PPP2R2B: variants seen among roughly 807,000 people sequenced by gnomAD.
PPP2R2B encodes serine/threonine-protein phosphatase 2A 55 kDa regulatory subunit B beta isoform.
Under a neutral mutation model 46.0 loss-of-function variants are expected in PPP2R2B, and 5 were observed. The ratio of observed to expected loss-of-function variants is 0.11; its 90% CI spans 0.06 to 0.23. The LOEUF is 0.23. PPP2R2B is among the 10% of genes least tolerant of loss of function. PPP2R2B has a pLI of 1.00. For missense variants in PPP2R2B, 367 were observed against 575.0 expected (o/e 0.64, Z 3.70); for synonymous variants, 215 against 206.7 (o/e 1.04, Z -0.34).
chr5:146,786,719 C>G (rs940079332), intron 2 of PPP2R2B, among the ~76,000 whole-genome samples: 2 of 152,176 alleles, frequency 1.3e-5, no homozygotes, highest in Admixed American at 6.5e-5. Flanking sequence ...GCTCTCCCCA[C>G]CTCCCAAACT....
intron 1 of PPP2R2B, among the ~76,000 whole-genome samples, chr5:147,039,805 G>A (rs1219462079): frequency 6.6e-6 from 1 of 152,200 alleles, no homozygotes; most frequent in Non-Finnish European, 1.5e-5. Flanking sequence ...GATGAGAGCA[G>A]AGATCCATCT....
At chr5:147,023,691 C>T (rs1755392118) in intron 1 of PPP2R2B, among the ~76,000 whole-genome samples, 1 of 152,138 alleles carries the variant, frequency 6.6e-6, no homozygotes, top group African/African-American at 2.4e-5. Flanking sequence ...AAGGGATACA[C>T]AGATAGCTGG....
Position 146,641,577 on chromosome 5 carries a change from T to C in PPP2R2B, c.626-3162A>G, listed in dbSNP as rs537326924. The stretch of plus-strand genomic sequence containing the variant: ...CCTGATAAGGGATTATTTGGATTTT[T>C]ACCTGCTGGAGGATTTGGTGAGTTC... On this transcript the variant is annotated intron_variant, in intron 6 of 9. Transcript: ENST00000394411. Among the ~76,000 whole-genome samples the C allele has an allele frequency of 4.8e-4, 72 of 150,740 alleles. 2 individuals are homozygous for C. The South Asian group carries it at 0.012, about 26-fold the overall frequency.
intron 2 of PPP2R2B, among the ~76,000 whole-genome samples, chr5:146,741,741 T>G (rs1323175010): frequency 3.3e-5 from 5 of 152,206 alleles, no homozygotes; most frequent in Non-Finnish European, 7.4e-5. Context: ...GTACACAATT[T>G]TAGGCCACAT....
chr5:146,860,550 T>C (rs911369285), intron 2 of PPP2R2B, among the ~76,000 whole-genome samples: 1 of 152,206 alleles, frequency 6.6e-6, no homozygotes, highest in Non-Finnish European at 1.5e-5. Context: ...CTCATTGCCA[T>C]ACACTACACT....
chr5:146,707,448 AC>A (rs1429083752), intron 2 of PPP2R2B: 1 of 763,838 alleles, frequency 1.3e-6, no homozygotes, highest in African/African-American at 1.7e-5. Flanking sequence ...CACTGGCCCC[AC>A]CATAGGCCAC....
At chr5:146,840,181 G>A (rs4705446) in intron 2 of PPP2R2B, among the ~76,000 whole-genome samples, 91,766 of 151,772 alleles carry the variant, frequency 0.6, 29,243 homozygotes, top group Non-Finnish European at 0.72. Context: ...ACAGCTTTGG[G>A]TTCAAATGCA....
rs966226592 is a variant in PPP2R2B, at chr5:146,581,702, C to T, written c.*8245G>A. On this transcript the variant is annotated 3_prime_UTR_variant, in exon 10 of 10. Coordinates refer to ENST00000394411, the MANE Select transcript of PPP2R2B (RefSeq NM_181675.4). ...TTCCGCAGTGTATTTCAGATCAGTT[C>T]TGTATTGTGGCTTGTATGTAATATG... 1 of 152,178 alleles carries T rather than the reference C, an allele frequency of 6.6e-6. No homozygotes were observed. Among genetic ancestry groups the T allele is most frequent in the Non-Finnish European group, 1.5e-5 (1 of 68,042 alleles). The allele number at this position is 152,178 out of a possible 1,614,324, so 9.4% of individuals were successfully genotyped here.
chr5:146,661,115 G>T (rs1270303656), intron 5 of PPP2R2B, among the ~76,000 whole-genome samples: 1 of 152,176 alleles, frequency 6.6e-6, no homozygotes, highest in African/African-American at 2.4e-5. Context: ...TCTCAATTAG[G>T]AGCGATTTTG....
intron 1 of PPP2R2B, among the ~76,000 whole-genome samples, chr5:147,052,362 T>C (rs1756868765): frequency 6.6e-6 from 1 of 152,224 alleles, no homozygotes; most frequent in Non-Finnish European, 1.5e-5. Flanking sequence ...CCTGGTATTG[T>C]TCTGGTTCTG....
intron 1 of PPP2R2B, among the ~76,000 whole-genome samples, chr5:146,957,434 G>C (rs1241621003): frequency 6.6e-6 from 1 of 152,230 alleles, no homozygotes; most frequent in Non-Finnish European, 1.5e-5. Flanking sequence ...CTAGCTGCAA[G>C]AGGTGGGGGC....
At chr5:147,053,332 T>A (rs1756923602) in intron 1 of PPP2R2B, among the ~76,000 whole-genome samples, 2 of 152,112 alleles carry the variant, frequency 1.3e-5, no homozygotes, top group African/African-American at 4.8e-5. Flanking sequence ...GATGGTTCTA[T>A]CCCCTAAGAA....
At chr5:147,024,358 A>C (rs567061834) in intron 1 of PPP2R2B, among the ~76,000 whole-genome samples, 1 of 152,332 alleles carries the variant, frequency 6.6e-6, no homozygotes, top group South Asian at 2.1e-4. Context: ...GAAATAGACA[A>C]ATCCACAATA....
At chr5:146,753,590 A>C (rs116124001) in intron 2 of PPP2R2B, among the ~76,000 whole-genome samples, 1 of 152,134 alleles carries the variant, frequency 6.6e-6, no homozygotes, top group Non-Finnish European at 1.5e-5. Flanking sequence ...CTTGCCAGCC[A>C]AGGACACTTG....
chr5:146,759,270 A>C (rs1190337307), intron 2 of PPP2R2B, among the ~76,000 whole-genome samples: 1 of 152,184 alleles, frequency 6.6e-6, no homozygotes, highest in Non-Finnish European at 1.5e-5. Flanking sequence ...CTTTCAGGGA[A>C]TTTTCCTTAT....
At chr5:146,660,150 G>C (rs1485068843) in intron 5 of PPP2R2B, among the ~76,000 whole-genome samples, 1 of 152,152 alleles carries the variant, frequency 6.6e-6, no homozygotes, top group African/African-American at 2.4e-5. Flanking sequence ...AGCAACCTGG[G>C]GGGCAGAGTC....
At chr5:146,807,525 C>A (rs567026509) in intron 2 of PPP2R2B, among the ~76,000 whole-genome samples, 2 of 152,214 alleles carry the variant, frequency 1.3e-5, no homozygotes, top group South Asian at 4.1e-4. Context: ...ATAACTTATG[C>A]CAGGCACAGT....
chr5:146,864,652 A>G (rs1761204115), intron 2 of PPP2R2B, among the ~76,000 whole-genome samples: 2 of 152,220 alleles, frequency 1.3e-5, no homozygotes, highest in Non-Finnish European at 2.9e-5. Flanking sequence ...CCCAGGGTAC[A>G]AACTACTCAC....
At position 146,991,124 on chromosome 5, in the gene PPP2R2B, G is replaced by A. The variant is rs1475055380; in HGVS notation, c.79+64541C>T. Among the ~76,000 whole-genome samples, 6 of 152,168 alleles carry A rather than the reference G, an allele frequency of 3.9e-5. No homozygotes were observed. In the East Asian group the frequency reaches 9.7e-4, roughly 24 times the overall value. On this transcript the variant is annotated intron_variant, in intron 1 of 8. Coordinates refer to the PPP2R2B transcript ENST00000336640. ...GGGAATTCTTGTACACTCTTCGTAG[G>A]AATGTAAATTAGTATAGCCATTATG...
Sources: gnomAD v4.1 joint callset for allele counts (sites outside exome capture counted in the v4.1 genomes callset) on GRCh38, gnomAD v4.1.1 for gene constraint, MANE v1.5 for transcripts, NCBI Gene and HGNC (gene_info 2026-07-23, HGNC 2026-07-21) for gene names.